The following FBXL5 variants were observed in gnomAD, a reference collection of about 807,000 sequenced individuals.
FBXL5 encodes the protein F-box and leucine rich repeat protein 5, also known as F-box/LRR-repeat protein 5.
Under a neutral mutation model 78.3 loss-of-function variants are expected in FBXL5, and 26 were observed. The ratio of observed to expected loss-of-function variants is 0.33; its 90% confidence interval spans 0.24 to 0.46. FBXL5 has a LOEUF of 0.46. FBXL5 is among the 20% of genes least tolerant of loss of function. The pLI is 1.00. For synonymous variants in FBXL5, 295 were observed against 282.5 expected (o/e 1.04, Z -0.45); for missense variants, 710 against 829.2 (o/e 0.86, Z 1.77).
intron 1 of FBXL5, among the ~76,000 whole-genome samples, chr4:15,674,412 A>G (rs956183452): frequency 6.6e-6 from 1 of 152,174 alleles, no homozygotes; most frequent in Non-Finnish European, 1.5e-5. Flanking sequence ...AAATCAACTT[A>G]TGAATACATA....
At chr4:15,648,488 T>C (rs576831871) in intron 1 of FBXL5, among the ~76,000 whole-genome samples, 3 of 152,300 alleles carry the variant, frequency 2.0e-5, no homozygotes, top group Non-Finnish European at 2.9e-5. Flanking sequence ...ACCTGAGTGC[T>C]TGTCCACAAA....
At position 15,605,135 on chromosome 4, in the gene FBXL5, C is replaced by G. The variant is rs2148502836; in HGVS notation, c.*588G>C. 6.5e-6 allele frequency: 1 copy of G among 152,740 alleles called. No individual in the cohort carries two copies. The allele number at this position is 152,740 out of a possible 1,614,324, so 9.5% of individuals were successfully genotyped here. A position where few individuals can be genotyped will look rare whatever the true frequency, so the allele number is the denominator to read the frequency against. On this transcript the variant is annotated 3_prime_UTR_variant, in exon 11 of 11. Transcript: ENST00000341285. ...GAGAACAAAGTATCCCTAAAGGAAA[C>G]AAATATCGATTGGTGCTTTCCTAGC... is the stretch of plus-strand genomic sequence containing the variant.
At position 15,625,237 on chromosome 4, in the gene FBXL5, G is replaced by T; in HGVS notation, c.1850+15C>A. On this transcript the variant is annotated intron_variant, in intron 9 of 10. Transcript: ENST00000341285. Reference sequence around the variant, plus strand: ...AACACGTCTATTTCTTAATATTCTGGAACTGATAACTCACCTGAGACCATG... The same window carrying T: ...AACACGTCTATTTCTTAATATTCTGTAACTGATAACTCACCTGAGACCATG... The T allele has an allele frequency of 6.4e-7, 1 of 1,564,192 alleles. No individual in the cohort carries two copies.
chr4:15,623,191 A>G lies in FBXL5; in HGVS notation c.1850+2061T>C, dbSNP rs116321776. On this transcript the variant is annotated intron_variant, in intron 9 of 10. Coordinates refer to ENST00000341285, the MANE Select transcript of FBXL5 (RefSeq NM_012161.4). ...TTTTAAATAAAGTGTGCTCCCTTCTAGTGTTTTCCAAAACCTTATACTAGA... is the reference window on the plus strand; with the variant it reads ...TTTTAAATAAAGTGTGCTCCCTTCTGGTGTTTTCCAAAACCTTATACTAGA... Among the ~76,000 whole-genome samples the G allele has an allele frequency of 2.6e-3, 391 of 152,312 alleles. 3 individuals are homozygous for G. The highest frequency in any genetic ancestry group is 8.9e-3 in the African/African-American group (371 of 41,574).
chr4:15,653,388 GACTA>G (rs1207893327), intron 1 of FBXL5, among the ~76,000 whole-genome samples: 3 of 152,120 alleles, frequency 2.0e-5, no homozygotes, highest in Non-Finnish European at 2.9e-5. Context: ...GAAAAAGAGC[GACTA>G]ACTTCTTGAA....
intron 1 of FBXL5, among the ~76,000 whole-genome samples, chr4:15,678,312 T>C (rs1430169326): frequency 1.3e-5 from 2 of 152,238 alleles, no homozygotes; most frequent in Non-Finnish European, 2.9e-5. Flanking sequence ...AATCTAGGCA[T>C]TTTCTGGCTT....
intron 2 of FBXL5, among the ~76,000 whole-genome samples, chr4:15,643,718 T>A (rs1379835970): frequency 6.6e-6 from 1 of 152,218 alleles, no homozygotes; most frequent in African/African-American, 2.4e-5. Context: ...CTGGCTGGTA[T>A]TCAATTCTAA....
chr4:15,630,604 T>C (rs1577449540), intron 6 of FBXL5, 62 bp downstream of exon 6: 33 of 1,361,144 alleles, frequency 2.4e-5, no homozygotes, highest in Admixed American at 5.3e-5. Context: ...CTAATAATTA[T>C]AAGTACTTAA....
intron 1 of FBXL5, among the ~76,000 whole-genome samples, chr4:15,667,069 C>T (rs1424558918): frequency 6.6e-6 from 1 of 152,064 alleles, no homozygotes; most frequent in Non-Finnish European, 1.5e-5. Context: ...CATTATAAAC[C>T]ATATTTGTAC....
At chr4:15,626,132 G>C (rs998012294) in intron 8 of FBXL5, among the ~76,000 whole-genome samples, 155 bp from the exon 9 acceptor site, 1 of 152,144 alleles carries the variant, frequency 6.6e-6, no homozygotes, top group Non-Finnish European at 1.5e-5. Context: ...TACTATTCTT[G>C]ATGCTAGGGA....
chr4:15,627,804 A>G, intron 7 of FBXL5, 81 bp downstream of exon 7: 1 of 1,408,876 alleles, frequency 7.1e-7, no homozygotes, highest in South Asian at 1.3e-5. Context: ...GTTTCCCCTT[A>G]ATTAAACTCA....
intron 9 of FBXL5, among the ~76,000 whole-genome samples, chr4:15,622,365 G>A (rs1024055497): frequency 1.3e-5 from 2 of 152,102 alleles, no homozygotes; most frequent in African/African-American, 4.8e-5. Flanking sequence ...TTTTTAAACC[G>A]ATACAATGAA....
In FBXL5 at chr4:15,622,042, G is replaced by A. The variant is rs189878552; in HGVS notation, c.1850+3210C>T. The stretch of plus-strand genomic sequence containing the variant: ...AAGATGTAATTTTGCCATGTTGCCC[G>A]GGCTGGTCTTGAACTCCTGGGCTCA... On this transcript the variant is annotated intron_variant, in intron 9 of 10. Coordinates refer to ENST00000341285, the MANE Select transcript of FBXL5 (RefSeq NM_012161.4). 3.1e-3 allele frequency among the ~76,000 whole-genome samples: 465 copies of A among 152,076 alleles called. 13 individuals carry two copies. The highest frequency in any genetic ancestry group is 0.028 in the Admixed American group (426 of 15,262).
rs1384734279 is a variant in FBXL5 at position 15,666,312 on chromosome 4, T to C, written c.-283-6390A>G. Reference sequence around the variant, plus strand: ...TACTCAGGAGGCTGAGGTGGGAAGATTGCTTGAGCCCAGGATGGTCCAGCC... The same window carrying C: ...TACTCAGGAGGCTGAGGTGGGAAGACTGCTTGAGCCCAGGATGGTCCAGCC... On this transcript the variant is annotated intron_variant, in intron 1 of 4. Coordinates refer to the FBXL5 transcript ENST00000507899. Among the ~76,000 whole-genome samples, 5 of 152,024 alleles carry C rather than the reference T, an allele frequency of 3.3e-5. No individual in the cohort carries two copies. In the East Asian group the frequency reaches 9.7e-4, roughly 29 times the overall value.
intron 10 of FBXL5, among the ~76,000 whole-genome samples, chr4:15,609,171 T>G (rs1258766980): frequency 1.3e-5 from 2 of 152,046 alleles, no homozygotes; most frequent in Non-Finnish European, 2.9e-5. Context: ...ATTTGACTTA[T>G]CACCAGCAAA....
At chr4:15,654,027 GGA>G (rs1443230803) in intron 1 of FBXL5, among the ~76,000 whole-genome samples, 1 of 152,182 alleles carries the variant, frequency 6.6e-6, no homozygotes, top group Non-Finnish European at 1.5e-5. Context: ...ATGGAGGGAG[GGA>G]GAAGATGGAG....
intron 1 of FBXL5, among the ~76,000 whole-genome samples, chr4:15,646,313 C>A (rs542975000): frequency 2.0e-4 from 30 of 151,982 alleles, no homozygotes; most frequent in Non-Finnish European, 3.4e-4. Context: ...ATGCTTGGCT[C>A]TTAAGCCACA....
chr4:15,617,633 T>G (rs1004508959), intron 9 of FBXL5, among the ~76,000 whole-genome samples: 1 of 152,172 alleles, frequency 6.6e-6, no homozygotes, highest in Non-Finnish European at 1.5e-5. Flanking sequence ...TCATGTACTT[T>G]CCAGGGACAT....
At chr4:15,606,188 C>G (rs956417054) in intron 10 of FBXL5, among the ~76,000 whole-genome samples, 1 of 152,014 alleles carries the variant, frequency 6.6e-6, no homozygotes, top group African/African-American at 2.4e-5. Flanking sequence ...TAACTATAAT[C>G]GATCAGCTAA....
Sources: gnomAD v4.1 joint callset for allele counts (sites outside exome capture counted in the v4.1 genomes callset) on GRCh38, gnomAD v4.1.1 for gene constraint, MANE v1.5 for transcripts, NCBI Gene and HGNC (gene_info 2026-07-23, HGNC 2026-07-21) for gene names.